PCDH15: variants seen among roughly 807,000 people sequenced by gnomAD.
PCDH15 encodes the protein protocadherin related 15.
In PCDH15, 129 loss-of-function variants were observed where a neutral mutation model predicts 178.5. That is an observed-to-expected ratio of 0.72 (90% CI 0.63 to 0.84). The LOEUF (loss-of-function observed/expected upper bound fraction) is 0.84, where lower values mean the gene tolerates loss of function less well. Among genes scored for constraint, PCDH15 ranks in the 40% least tolerant of loss-of-function variants. The probability of loss-of-function intolerance (pLI) is 0.00; values close to 1 mark genes in which losing one functional copy is unlikely to be tolerated. For missense variants in PCDH15, 2,230 were observed against 2,099.9 expected (o/e 1.06, Z -1.21); for synonymous variants, 800 against 732.0 (o/e 1.09, Z -1.50).
chr10:54,742,157 A>C (rs1944895153), intron 1 of PCDH15, among the ~76,000 whole-genome samples: 2 of 151,930 alleles, frequency 1.3e-5, no homozygotes, highest in Non-Finnish European at 2.9e-5. Context: ...GAGGTCATTG[A>C]CTCTTTACAG....
At chr10:54,081,945 C>T (rs1247116942) in intron 16 of PCDH15, among the ~76,000 whole-genome samples, 1 of 152,074 alleles carries the variant, frequency 6.6e-6, no homozygotes, top group Admixed American at 6.6e-5. Flanking sequence ...AAAACAGTCA[C>T]AGGTTTATAG....
intron 2 of PCDH15, among the ~76,000 whole-genome samples, chr10:55,437,355 T>TGAAAC (rs1839066311): frequency 6.6e-6 from 1 of 152,174 alleles, no homozygotes; most frequent in Admixed American, 6.5e-5. Context: ...CCCAGAAGGT[T>TGAAAC]ATTCTCCACA....
intron 2 of PCDH15, among the ~76,000 whole-genome samples, chr10:55,333,835 T>C (rs1844280189): frequency 6.6e-6 from 1 of 151,814 alleles, no homozygotes; most frequent in African/African-American, 2.4e-5. Context: ...AAAAGGAAAC[T>C]TGATGGCCAT....
intron 2 of PCDH15, among the ~76,000 whole-genome samples, chr10:55,432,150 T>A (rs1589021592): frequency 6.6e-6 from 1 of 150,684 alleles, no homozygotes; most frequent in African/African-American, 2.4e-5. Context: ...CTTCAATGAC[T>A]TCATTGATCA....
chr10:54,618,411 TATTTC>T (rs1313607585), intron 2 of PCDH15, among the ~76,000 whole-genome samples: 3 of 152,010 alleles, frequency 2.0e-5, no homozygotes, highest in Non-Finnish European at 1.5e-5. Context: ...ACCGGGGAAA[TATTTC>T]AGGTAAACTC....
intron 2 of PCDH15, among the ~76,000 whole-genome samples, chr10:55,597,727 T>C (rs1179574488): frequency 3.9e-5 from 6 of 152,136 alleles, no homozygotes; most frequent in Non-Finnish European, 4.4e-5. Context: ...CTTCCAGGAC[T>C]GCAAATGACC....
intron 5 of PCDH15, among the ~76,000 whole-genome samples, chr10:54,367,875 A>G (rs2134675769): frequency 6.6e-6 from 1 of 151,810 alleles, no homozygotes; most frequent in Middle Eastern, 3.4e-3. Flanking sequence ...TTTGTTGCCT[A>G]AGATAATTCA....
intron 2 of PCDH15, among the ~76,000 whole-genome samples, chr10:54,992,576 C>A (rs953661580): frequency 6.6e-5 from 10 of 151,906 alleles, no homozygotes; most frequent in Admixed American, 1.3e-4. Flanking sequence ...CACAGTGAAA[C>A]CCTGTCTCTA....
chr10:54,975,051 A>G (rs143769902), intron 2 of PCDH15, among the ~76,000 whole-genome samples: 1 of 152,176 alleles, frequency 6.6e-6, no homozygotes, highest in East Asian at 1.9e-4. Flanking sequence ...ACACACCCTA[A>G]AAGTGACTAA....
At chr10:53,969,502 A>G (rs1209462458) in intron 21 of PCDH15, among the ~76,000 whole-genome samples, 2 of 152,160 alleles carry the variant, frequency 1.3e-5, no homozygotes, top group Non-Finnish European at 2.9e-5. Flanking sequence ...CAGGAAATAC[A>G]GAGAACGCCA....
intron 36 of PCDH15, among the ~76,000 whole-genome samples, chr10:53,811,315 C>T (rs2132390839): frequency 6.6e-6 from 1 of 152,158 alleles, no homozygotes; most frequent in South Asian, 2.1e-4. Context: ...AATTTTACCG[C>T]ATTTCTAGAA....
chr10:54,145,178 G>A (rs1323387820), intron 14 of PCDH15, among the ~76,000 whole-genome samples: 1 of 151,970 alleles, frequency 6.6e-6, no homozygotes, highest in Non-Finnish European at 1.5e-5. Context: ...TTAAGTTTGG[G>A]AATGATATAA....
chr10:54,854,176 C>T (rs952296303), intron 3 of PCDH15, among the ~76,000 whole-genome samples: 1 of 152,140 alleles, frequency 6.6e-6, no homozygotes, highest in Non-Finnish European at 1.5e-5. Flanking sequence ...AAACCAGGCA[C>T]ACCACAAGCA....
intron 5 of PCDH15, among the ~76,000 whole-genome samples, chr10:54,351,023 G>A (rs1299681356): frequency 6.6e-6 from 1 of 151,964 alleles, no homozygotes; most frequent in Non-Finnish European, 1.5e-5. Flanking sequence ...AGAATCCCTT[G>A]AACCCAGGAG....
chr10:54,486,195 G>A (rs1281988390), intron 3 of PCDH15: 1 of 151,942 alleles, frequency 6.6e-6, no homozygotes, highest in Non-Finnish European at 1.5e-5. Flanking sequence ...GCTTGGGCAG[G>A]GCCCTGCTAG....
chr10:55,548,723 G>A, intron 2 of PCDH15, among the ~76,000 whole-genome samples: 2 of 152,220 alleles, frequency 1.3e-5, no homozygotes, highest in Middle Eastern at 3.4e-3. Context: ...GCACAGCAAA[G>A]GAAGTTTTAA....
chr10:54,307,650 C>G (rs2060639046), intron 8 of PCDH15, among the ~76,000 whole-genome samples: 2 of 151,932 alleles, frequency 1.3e-5, no homozygotes, highest in Admixed American at 1.3e-4. Context: ...ATAATTAATT[C>G]AGCACAAGTA....
intron 2 of PCDH15, among the ~76,000 whole-genome samples, chr10:55,481,464 G>GT (rs969161031): frequency 2.6e-5 from 4 of 151,456 alleles, no homozygotes; most frequent in African/African-American, 9.7e-5. Flanking sequence ...TTTTGATGTG[G>GT]TTTTTTAGTG....
intron 1 of PCDH15, among the ~76,000 whole-genome samples, chr10:54,715,736 C>A (rs2095472755): frequency 2.0e-5 from 3 of 152,066 alleles, no homozygotes; most frequent in African/African-American, 7.2e-5. Flanking sequence ...GACATACCTC[C>A]AGTCATTTGG....
Sources: allele counts gnomAD v4.1 joint callset (sites outside exome capture counted in the v4.1 genomes callset), GRCh38; gene constraint gnomAD v4.1.1; transcripts MANE v1.5; gene names NCBI Gene and HGNC (gene_info 2026-07-23, HGNC 2026-07-21).